The following ANTXR1 variants were observed in gnomAD, a reference collection of about 807,000 sequenced individuals.
ANTXR1 encodes the protein anthrax toxin receptor 1.
ANTXR1 carries 19 observed loss-of-function variants against 78.1 expected under a neutral mutation model. The observed-to-expected ratio is 0.24, with a 90% confidence interval of 0.17 to 0.36. The LOEUF is 0.36. Among genes scored for constraint, ANTXR1 ranks in the 10% least tolerant of loss-of-function variants. The pLI is 1.00. For synonymous variants in ANTXR1, 273 were observed against 260.5 expected (o/e 1.05, Z -0.46); for missense variants, 518 against 718.6 (o/e 0.72, Z 3.19).
chr2:69,075,488 G>A, intron 6 of ANTXR1, 102 bp from the exon 7 acceptor site: 2 of 1,109,382 alleles, frequency 1.8e-6, no homozygotes, highest in Non-Finnish European at 2.8e-6. Flanking sequence ...CACATGGTAG[G>A]TGCTCATTAA....
intron 5 of ANTXR1, 43 bp downstream of exon 5, chr2:69,071,830 T>C (rs776800796): frequency 1.3e-6 from 2 of 1,586,198 alleles, no homozygotes; most frequent in African/African-American, 2.7e-5. Context: ...TATTTAACTT[T>C]TTCCGTGTTT....
At chr2:69,024,191 G>A (rs914487204) in intron 1 of ANTXR1, among the ~76,000 whole-genome samples, 12 of 152,134 alleles carry the variant, frequency 7.9e-5, no homozygotes, top group African/African-American at 2.7e-4. Context: ...GTAAGGAGCA[G>A]GCATCAGAAG....
chr2:69,024,875 T>C (rs773029749), intron 1 of ANTXR1, among the ~76,000 whole-genome samples: 2 of 152,198 alleles, frequency 1.3e-5, no homozygotes, highest in Non-Finnish European at 2.9e-5. Flanking sequence ...AAATTGATCT[T>C]TTTAGAACAC....
chr2:69,018,752 T>TC (rs1340481769), intron 1 of ANTXR1, among the ~76,000 whole-genome samples: 8 of 148,140 alleles, frequency 5.4e-5, no homozygotes, highest in African/African-American at 1.9e-4. Context: ...CCAGACCAGC[T>TC]CTTTCCACTC....
At chr2:69,131,723 C>A (rs139023490) in intron 12 of ANTXR1, among the ~76,000 whole-genome samples, 1 of 152,044 alleles carries the variant, frequency 6.6e-6, no homozygotes, top group South Asian at 2.1e-4. Flanking sequence ...CATGATGGCA[C>A]CTACTGGCAG....
chr2:69,098,263 A>G lies in ANTXR1; in HGVS notation c.704-4579A>G, dbSNP rs145243306. 5.2e-5 allele frequency among the ~76,000 whole-genome samples: 8 copies of G among 152,382 alleles called. No individual in the cohort carries two copies. In the East Asian group the frequency reaches 1.5e-3, roughly 29 times the overall value. On this transcript the variant is annotated intron_variant, in intron 9 of 17. Coordinates refer to ENST00000303714, the MANE Select transcript of ANTXR1 (RefSeq NM_032208.3). The stretch of plus-strand genomic sequence containing the variant: ...TCAATTATGCCTCACTCAAGTTGTT[A>G]TAAATTAAAAGCTATAACTGAAAAA...
chr2:69,182,464 T>A (rs537735640), intron 15 of ANTXR1, 29 bp from the exon 16 acceptor site: 3 of 1,613,590 alleles, frequency 1.9e-6, no homozygotes, highest in East Asian at 2.2e-5. Flanking sequence ...ATTTTGTCAT[T>A]TCATTTCATT....
chr2:69,055,933 T>C (rs969396268), intron 3 of ANTXR1, among the ~76,000 whole-genome samples: 7 of 152,198 alleles, frequency 4.6e-5, no homozygotes, highest in African/African-American at 1.7e-4. Flanking sequence ...GAGTCTGTTT[T>C]CTCATATGTG....
chr2:69,072,365 A>G (rs1670592916), intron 5 of ANTXR1, among the ~76,000 whole-genome samples: 1 of 152,230 alleles, frequency 6.6e-6, no homozygotes, highest in South Asian at 2.1e-4. Flanking sequence ...AAGAGATTCA[A>G]TATTACAGTA....
chr2:69,085,507 A>C (rs1671024629), intron 8 of ANTXR1, among the ~76,000 whole-genome samples: 1 of 152,150 alleles, frequency 6.6e-6, no homozygotes. Flanking sequence ...TTATAGGGGG[A>C]AAGGGAGATT....
chr2:69,212,164 AAAAC>A (rs544338246), intron 17 of ANTXR1, among the ~76,000 whole-genome samples: 7 of 152,244 alleles, frequency 4.6e-5, no homozygotes, highest in Non-Finnish European at 8.8e-5. Context: ...AAGAAGAAGA[AAAAC>A]AGGAAGGAGA....
Position 69,102,875 on chromosome 2 carries a change from T to A in ANTXR1, c.737T>A (p.Phe246Tyr). The change falls in exon 10 of 18, where the codon TTC (phenylalanine) becomes TAC (tyrosine). Residue 246 changes from phenylalanine to tyrosine, a missense_variant. By Grantham distance (22) the Phe-to-Tyr change is conservative. Transcript: ENST00000303714. Reference protein sequence around the residue: ...SFQVVVRGNGFRHARNVDRVL... With the variant: ...SFQVVVRGNGYRHARNVDRVL... ...CAAGTTGTCGTGAGAGGAAACGGCT[T>A]CCGACATGCCCGCAACGTGGACAGG... The A allele has an allele frequency of 6.2e-7, 1 of 1,614,162 alleles. No homozygotes were observed. The highest frequency in any genetic ancestry group is 8.5e-7 in the Non-Finnish European group (1 of 1,180,020).
chr2:69,231,863 T>C (rs1311209447), intron 17 of ANTXR1, among the ~76,000 whole-genome samples: 1 of 152,124 alleles, frequency 6.6e-6, no homozygotes, highest in Non-Finnish European at 1.5e-5. Flanking sequence ...ATCACTTTCA[T>C]TATATTCAAA....
intron 8 of ANTXR1, among the ~76,000 whole-genome samples, chr2:69,089,210 G>A (rs576136457): frequency 5.3e-5 from 8 of 152,344 alleles, no homozygotes; most frequent in Admixed American, 2.0e-4. Flanking sequence ...GAATTGTCAA[G>A]AAGAAATGTT....
At position 69,181,700 on chromosome 2, in the gene ANTXR1, C is replaced by T. The variant is rs763932182; in HGVS notation, c.1090-86C>T. 98 of 1,293,610 alleles carry T rather than the reference C, an allele frequency of 7.6e-5. No individual in the cohort carries two copies. In the Admixed American group the frequency reaches 1.1e-3, roughly 14 times the overall value. The allele number at this position is 1,293,610 out of a possible 1,614,324, so 80.1% of individuals were successfully genotyped here. A position where few individuals can be genotyped will look rare whatever the true frequency, so the allele number is the denominator to read the frequency against. Reference sequence around the variant, plus strand: ...CACCCAGGCAGTCTGACTCTATAAGCTCTACTCCTAATCACTTGGCTGTAG... The same window carrying T: ...CACCCAGGCAGTCTGACTCTATAAGTTCTACTCCTAATCACTTGGCTGTAG... On this transcript the variant is annotated intron_variant, in intron 14 of 17. Coordinates refer to ENST00000303714, the MANE Select transcript of ANTXR1 (RefSeq NM_032208.3).
intron 13 of ANTXR1, among the ~76,000 whole-genome samples, chr2:69,156,782 A>C (rs1389197083): frequency 1.3e-5 from 2 of 152,170 alleles, no homozygotes; most frequent in Non-Finnish European, 2.9e-5. Context: ...ATTCACGAGA[A>C]ACCCCACCGC....
intron 3 of ANTXR1, among the ~76,000 whole-genome samples, chr2:69,048,205 T>C (rs974853930): frequency 2.6e-5 from 4 of 152,158 alleles, no homozygotes; most frequent in Non-Finnish European, 5.9e-5. Context: ...AGTTCAACTA[T>C]TCATTTAAAA....
intron 16 of ANTXR1, among the ~76,000 whole-genome samples, chr2:69,183,822 T>C (rs1372705229): frequency 2.6e-5 from 4 of 152,128 alleles, no homozygotes; most frequent in Admixed American, 1.3e-4. Flanking sequence ...ACTATGCCAC[T>C]TGTCAGAGAG....
intron 17 of ANTXR1, among the ~76,000 whole-genome samples, chr2:69,235,119 G>A (rs759487131): frequency 9.3e-5 from 14 of 150,420 alleles, no homozygotes; most frequent in Non-Finnish European, 2.1e-4. Context: ...CACCTCCTGG[G>A]TTCAAGCGAT....
Sources: allele counts gnomAD v4.1 joint callset (sites outside exome capture counted in the v4.1 genomes callset), GRCh38; gene constraint gnomAD v4.1.1; transcripts MANE v1.5; gene names NCBI Gene and HGNC (gene_info 2026-07-23, HGNC 2026-07-21).